TFEC: variants seen among roughly 807,000 people sequenced by gnomAD.
TFEC encodes the protein class E basic helix-loop-helix protein 34.
A neutral mutation model predicts 41.6 loss-of-function variants in TFEC; 31 were observed. The observed-to-expected ratio is 0.74, with a 90% confidence interval of 0.56 to 1.01. The LOEUF (loss-of-function observed/expected upper bound fraction) is 1.01, where lower values mean the gene tolerates loss of function less well. Among genes scored for constraint, TFEC ranks in the 50% least tolerant of loss-of-function variants. The probability of loss-of-function intolerance (pLI) is 0.00; values close to 1 mark genes in which losing one functional copy is unlikely to be tolerated. For missense variants in TFEC, 402 were observed against 404.1 expected (o/e 0.99, Z 0.04); for synonymous variants, 143 against 140.6 (o/e 1.02, Z -0.12).
In TFEC at chr7:115,946,706, T is replaced by C. The variant is rs2130283413; in HGVS notation, c.515+4168A>G. On this transcript the variant is annotated intron_variant, in intron 6 of 7. Transcript: ENST00000265440. ...CTTTTTTCTTTTCTCTTCTTTTCTT[T>C]TCTTTTCCTTTCTTTTTTTTAGAGG... 1.3e-5 allele frequency among the ~76,000 whole-genome samples: 2 copies of C among 151,032 alleles called. 1 individual carries two copies. The highest frequency in any genetic ancestry group is 4.8e-5 in the African/African-American group (2 of 41,322).
chr7:115,953,564 T>C (rs572471638), intron 5 of TFEC, among the ~76,000 whole-genome samples: 1 of 152,202 alleles, frequency 6.6e-6, no homozygotes, highest in Non-Finnish European at 1.5e-5. Context: ...AGGTCAGTAA[T>C]CGTTAAGTGG....
In TFEC at chr7:116,036,584, C is replaced by A. The variant is rs137912473; in HGVS notation, c.199-52071G>T. Among the ~76,000 whole-genome samples, 133 of 152,156 alleles carry A rather than the reference C, an allele frequency of 8.7e-4. 1 individual carries two copies. The highest frequency in any genetic ancestry group is 3.1e-3 in the African/African-American group (129 of 41,554). ...ATGTTCTTTACATTAGTGTTCCCATCAAAACTAATGCTGTAATTATTTATT... is the reference window on the plus strand; with the variant it reads ...ATGTTCTTTACATTAGTGTTCCCATAAAAACTAATGCTGTAATTATTTATT... On this transcript the variant is annotated intron_variant, in intron 3 of 8. Coordinates refer to the TFEC transcript ENST00000484212.
At chr7:116,027,100 G>C (rs569846637) in intron 1 of TFEC, among the ~76,000 whole-genome samples, 106 of 152,288 alleles carry the variant, frequency 7.0e-4, no homozygotes, top group African/African-American at 2.5e-3. Context: ...AAAGGGAACA[G>C]AGTGTTAACA....
chr7:116,080,837 G>T (rs1219663647), intron 3 of TFEC, among the ~76,000 whole-genome samples: 1 of 152,042 alleles, frequency 6.6e-6, no homozygotes, highest in African/African-American at 2.4e-5. Context: ...CCTACTGCTA[G>T]GTATCTGGCC....
chr7:116,008,781 G>A (rs1475872408), intron 1 of TFEC, among the ~76,000 whole-genome samples: 7 of 152,038 alleles, frequency 4.6e-5, no homozygotes, highest in Non-Finnish European at 8.8e-5. Flanking sequence ...TATAACTACT[G>A]AACTAAAGTA....
intron 3 of TFEC, among the ~76,000 whole-genome samples, chr7:116,040,832 G>A (rs776892857): frequency 6.6e-6 from 1 of 152,168 alleles, no homozygotes; most frequent in African/African-American, 2.4e-5. Flanking sequence ...CTCTGCATTT[G>A]TGTGTATTGT....
At chr7:116,119,488 T>C (rs1359447822) in intron 1 of TFEC, among the ~76,000 whole-genome samples, 2 of 151,800 alleles carry the variant, frequency 1.3e-5, no homozygotes, top group Admixed American at 1.3e-4. Context: ...ACAATAAATT[T>C]AATGAATTAA....
At chr7:115,970,039 AAG>A in intron 3 of TFEC, among the ~76,000 whole-genome samples, 2 of 152,122 alleles carry the variant, frequency 1.3e-5, no homozygotes, top group East Asian at 3.9e-4. Flanking sequence ...TAGAATATAT[AAG>A]TCTGGCATAT....
chr7:116,110,960 A>G, intron 2 of TFEC: 1 of 1,231,702 alleles, frequency 8.1e-7, no homozygotes, highest in South Asian at 1.8e-5. Flanking sequence ...GGAGCACTGT[A>G]AAACACATAC....
intron 3 of TFEC, among the ~76,000 whole-genome samples, chr7:116,058,373 T>C (rs903537938): frequency 6.7e-6 from 1 of 148,352 alleles, no homozygotes; most frequent in African/African-American, 2.5e-5. Flanking sequence ...TCAAAATATA[T>C]AAAGCACAAA....
intron 6 of TFEC, among the ~76,000 whole-genome samples, chr7:115,948,967 A>C (rs1301608131): frequency 6.6e-6 from 1 of 151,692 alleles, no homozygotes; most frequent in Non-Finnish European, 1.5e-5. Flanking sequence ...CTCAGCCCAA[A>C]ATCTCCTTAA....
At chr7:116,012,160 T>C (rs1015847594) in intron 1 of TFEC, among the ~76,000 whole-genome samples, 10 of 152,334 alleles carry the variant, frequency 6.6e-5, no homozygotes, top group Admixed American at 3.9e-4. Context: ...GGTGGAAATG[T>C]ACAAGTTAAT....
chr7:115,941,760 A>G, intron 7 of TFEC, 133 bp downstream of exon 7: 2 of 1,238,352 alleles, frequency 1.6e-6, no homozygotes, highest in Non-Finnish European at 2.2e-6. Context: ...ACTTCTAAAA[A>G]GCAGTAAAAT....
intron 6 of TFEC, among the ~76,000 whole-genome samples, chr7:115,944,175 C>G (rs1047839403): frequency 4.7e-5 from 7 of 150,466 alleles, no homozygotes; most frequent in Admixed American, 1.3e-4. Flanking sequence ...AAACTTCAAA[C>G]TATTTAGAAA....
chr7:115,979,842 GTTCAT>G (rs1793547510), intron 2 of TFEC, among the ~76,000 whole-genome samples: 1 of 152,072 alleles, frequency 6.6e-6, no homozygotes, highest in African/African-American at 2.4e-5. Flanking sequence ...TTACCCCTGA[GTTCAT>G]TTCTTTTATT....
chr7:116,083,311 T>C (rs1402535313), intron 3 of TFEC, among the ~76,000 whole-genome samples: 2 of 151,778 alleles, frequency 1.3e-5, no homozygotes, highest in Non-Finnish European at 2.9e-5. Context: ...AAATTTACCA[T>C]GCCTTACATA....
intron 1 of TFEC, among the ~76,000 whole-genome samples, chr7:116,137,124 C>G (rs900459694): frequency 5.9e-5 from 9 of 152,242 alleles, no homozygotes; most frequent in Non-Finnish European, 4.4e-5. Context: ...TCTTAAACAT[C>G]ATTTCCTCAT....
At chr7:115,981,870 T>C (rs1471287416) in intron 2 of TFEC, among the ~76,000 whole-genome samples, 4 of 152,052 alleles carry the variant, frequency 2.6e-5, no homozygotes, top group Non-Finnish European at 4.4e-5. Flanking sequence ...CCCGCCACCA[T>C]GAGAACCAGT....
intron 2 of TFEC, among the ~76,000 whole-genome samples, chr7:115,983,477 G>A (rs923002798): frequency 2.6e-5 from 4 of 152,082 alleles, no homozygotes; most frequent in African/African-American, 9.7e-5. Flanking sequence ...TAGATTGGGA[G>A]ATTAAACCTG....
Sources: gnomAD v4.1 joint callset for allele counts (sites outside exome capture counted in the v4.1 genomes callset) on GRCh38, gnomAD v4.1.1 for gene constraint, MANE v1.5 for transcripts, NCBI Gene and HGNC (gene_info 2026-07-23, HGNC 2026-07-21) for gene names.